ERC2: variants seen among roughly 807,000 people sequenced by gnomAD.
ERC2 encodes ERC protein 2.
In ERC2, 42 loss-of-function variants were observed where a neutral mutation model predicts 114.8. The ratio of observed to expected loss-of-function variants is 0.37; its 90% CI spans 0.29 to 0.47. The LOEUF is 0.47. Among genes scored for constraint, ERC2 ranks in the 20% least tolerant of loss-of-function variants. ERC2 has a pLI of 0.99. For missense variants in ERC2, 939 were observed against 1,150.7 expected (o/e 0.82, Z 2.66); for synonymous variants, 454 against 425.5 (o/e 1.07, Z -0.82).
intron 7 of ERC2, among the ~76,000 whole-genome samples, chr3:56,022,238 T>C (rs552441692): frequency 6.6e-6 from 1 of 152,164 alleles, no homozygotes; most frequent in Admixed American, 6.5e-5. Context: ...AAAGAAAAAA[T>C]TATTGCATAG....
chr3:56,199,885 A>T (rs1162402755), intron 3 of ERC2, among the ~76,000 whole-genome samples: 1 of 152,092 alleles, frequency 6.6e-6, no homozygotes, highest in South Asian at 2.1e-4. Flanking sequence ...GACTCAGGAC[A>T]CTAGATAAGA....
At chr3:56,203,845 T>C (rs540718862) in intron 3 of ERC2, among the ~76,000 whole-genome samples, 35 of 152,256 alleles carry the variant, frequency 2.3e-4, no homozygotes, top group Admixed American at 6.5e-4. Context: ...AAGAACCACC[T>C]TGTGCAGAGG....
At chr3:55,835,475 C>T (rs1026877441) in intron 14 of ERC2, among the ~76,000 whole-genome samples, 1 of 152,110 alleles carries the variant, frequency 6.6e-6, no homozygotes, top group African/African-American at 2.4e-5. Flanking sequence ...TGTAATCCAG[C>T]ATATAAACAG....
intron 10 of ERC2, among the ~76,000 whole-genome samples, chr3:55,994,647 TAAAAAAAAAAA>T (rs10662566): frequency 1.6e-5 from 1 of 61,396 alleles, no homozygotes; most frequent in African/African-American, 7.0e-5. Flanking sequence ...ACATACTCCC[TAAAAAAAAAAA>T]AAAAAAAAAA....
chr3:56,245,690 C>G (rs1298566285), intron 3 of ERC2, among the ~76,000 whole-genome samples: 2 of 152,060 alleles, frequency 1.3e-5, no homozygotes, highest in Non-Finnish European at 1.5e-5. Context: ...ATTACAGGTG[C>G]ATGCCACCAT....
intron 17 of ERC2, among the ~76,000 whole-genome samples, chr3:55,586,706 T>G (rs2057623453): frequency 6.6e-6 from 1 of 152,232 alleles, no homozygotes; most frequent in East Asian, 1.9e-4. Context: ...GCAAATGCCT[T>G]GAAAGGAGTA....
intron 6 of ERC2, among the ~76,000 whole-genome samples, chr3:56,109,269 C>T (rs1264839344): frequency 1.3e-5 from 2 of 151,798 alleles, no homozygotes; most frequent in African/African-American, 4.8e-5. Flanking sequence ...TGAGAACATG[C>T]GGTATTTGAT....
chr3:55,918,426 C>A (rs765725609), intron 13 of ERC2, among the ~76,000 whole-genome samples: 2 of 152,020 alleles, frequency 1.3e-5, no homozygotes, highest in Admixed American at 6.6e-5. Flanking sequence ...GTAAAACTAC[C>A]TTACAGAGAA....
chr3:55,661,846 G>A (rs2061150743), intron 17 of ERC2, among the ~76,000 whole-genome samples: 1 of 151,918 alleles, frequency 6.6e-6, no homozygotes, highest in Non-Finnish European at 1.5e-5. Flanking sequence ...AAAAAAAGTG[G>A]GCCCACCTCC....
intron 6 of ERC2, among the ~76,000 whole-genome samples, chr3:56,129,732 CAG>C (rs1236778070): frequency 2.6e-5 from 4 of 152,122 alleles, no homozygotes; most frequent in Admixed American, 1.3e-4. Flanking sequence ...CTTTTTCAAA[CAG>C]AAGTATAAAC....
At chr3:55,955,353 G>T (rs949618891) in intron 12 of ERC2, among the ~76,000 whole-genome samples, 2 of 151,224 alleles carry the variant, frequency 1.3e-5, no homozygotes, top group Non-Finnish European at 3.0e-5. Flanking sequence ...AAAGGTTTTT[G>T]TTCAATCAAA....
chr3:55,613,286 A>C (rs2058982146), intron 17 of ERC2, among the ~76,000 whole-genome samples: 1 of 152,192 alleles, frequency 6.6e-6, no homozygotes, highest in Non-Finnish European at 1.5e-5. Context: ...TATATGCTAC[A>C]TTTCCCTTGA....
At chr3:55,859,888 T>G (rs1180862359) in intron 14 of ERC2, among the ~76,000 whole-genome samples, 2 of 151,982 alleles carry the variant, frequency 1.3e-5, no homozygotes, top group Non-Finnish European at 2.9e-5. Context: ...AAAATTGATT[T>G]TGAGGAGGAA....
intron 7 of ERC2, among the ~76,000 whole-genome samples, chr3:56,051,781 G>A (rs1390903709): frequency 2.0e-5 from 3 of 151,172 alleles, no homozygotes; most frequent in African/African-American, 7.3e-5. Context: ...AGCCGAGATC[G>A]CGCCACTGCA....
chr3:55,965,470 C>T (rs75842631), intron 12 of ERC2, among the ~76,000 whole-genome samples: 5,136 of 152,244 alleles, frequency 0.034, 169 homozygotes, highest in African/African-American at 0.084. Flanking sequence ...TATATGTTAG[C>T]TATTTTTTAA....
At chr3:56,261,082 G>A (rs2052889862) in intron 3 of ERC2, among the ~76,000 whole-genome samples, 1 of 152,116 alleles carries the variant, frequency 6.6e-6, no homozygotes, top group African/African-American at 2.4e-5. Context: ...GTTCTTCTAA[G>A]GTCCCAGCTC....
chr3:56,032,523 T>C (rs1398858855), intron 7 of ERC2, among the ~76,000 whole-genome samples: 2 of 152,020 alleles, frequency 1.3e-5, no homozygotes, highest in Non-Finnish European at 2.9e-5. Flanking sequence ...GAGAGGGAAA[T>C]GAGTATTCAG....
rs535797753 is a variant in ERC2 at position 55,529,350 on chromosome 3, G to A, written c.*40-18074C>T. On this transcript the variant is annotated intron_variant, in intron 17 of 17. Coordinates refer to ENST00000288221, the MANE Select transcript of ERC2 (RefSeq NM_015576.3). ...GGATTGACTATGGAGCACAGTTCAC[G>A]TTTTGACTCCTTAAACAGTAAGTCA... Among the ~76,000 whole-genome samples, 9 of 152,302 alleles carry A rather than the reference G, an allele frequency of 5.9e-5. No individual in the cohort carries two copies. The South Asian group carries it at 8.3e-4, about 14-fold the overall frequency.
chr3:55,889,064 C>T (rs1002831906), intron 13 of ERC2, among the ~76,000 whole-genome samples: 3 of 152,214 alleles, frequency 2.0e-5, no homozygotes, highest in African/African-American at 7.2e-5. Context: ...GGGTGAGTGG[C>T]TTGACCCAAT....
Sources: allele counts gnomAD v4.1 joint callset (sites outside exome capture counted in the v4.1 genomes callset), GRCh38; gene constraint gnomAD v4.1.1; transcripts MANE v1.5; gene names NCBI Gene and HGNC (gene_info 2026-07-23, HGNC 2026-07-21).